PET100: variants seen among roughly 807,000 people sequenced by gnomAD.
PET100 encodes PET100 cytochrome c oxidase chaperone.
In PET100, 13 loss-of-function variants were observed where a neutral mutation model predicts 13.6. The observed-to-expected ratio is 0.96, with a 90% CI of 0.62 to 1.52. PET100 has a LOEUF of 1.52. Among genes scored for constraint, PET100 ranks in the 40% most tolerant of loss-of-function variants. The pLI is 0.00. For synonymous variants in PET100, 28 were observed against 30.8 expected, an observed-to-expected ratio of 0.91 and a Z score of 0.30; for missense variants, 94 against 95.3, an observed-to-expected ratio of 0.99 and a Z score of 0.06.
intron 3 of PET100, 166 bp from the exon 4 acceptor site, chr19:7,631,307 C>T: frequency 7.1e-7 from 1 of 1,411,158 alleles, no homozygotes; most frequent in Non-Finnish European, 9.2e-7. Flanking sequence ...AAGCGGATCC[C>T]ACGCGGACCC....
In PET100 at chr19:7,631,555, G is replaced by A. The variant is rs1361360018; in HGVS notation, c.221G>A (p.Ter74=). ...KLLRDAQQNS[*] Reference sequence around the variant, plus strand: ...CTTCGCGACGCCCAGCAGAACTCCTGAGGCCTCCAAGTGGGAGTCCTAGCC... The same window carrying A: ...CTTCGCGACGCCCAGCAGAACTCCTAAGGCCTCCAAGTGGGAGTCCTAGCC... Residue 74 remains the stop codon, a stop_retained_variant, in exon 4 of 4, where the codon TGA becomes TAA. Coordinates refer to ENST00000594797, the MANE Select transcript of PET100 (RefSeq NM_001171155.2). 2.3e-5 allele frequency: 36 copies of A among 1,535,754 alleles called. No individual in the cohort carries two copies. In the Admixed American group the frequency reaches 6.9e-4, roughly 29 times the overall value.
chr19:7,631,092 C>T lies in PET100; in HGVS notation c.138+246C>T. ...GCATGGTGGCAGGCGCCTATAATTC[C>T]AGCTGCTTGGGAGGCTGAGGGAGAA... On this transcript the variant is annotated intron_variant, in intron 3 of 3. Coordinates refer to ENST00000594797, the MANE Select transcript of PET100 (RefSeq NM_001171155.2). 5 of 743,882 alleles carry T rather than the reference C, an allele frequency of 6.7e-6. No individual in the cohort carries two copies. In the South Asian group the frequency reaches 9.5e-5, roughly 14 times the overall value. The allele number at this position is 743,882 out of a possible 1,614,324, so 46.1% of individuals were successfully genotyped here. A position where few individuals can be genotyped will look rare whatever the true frequency, so the allele number is the denominator to read the frequency against.
chr19:7,630,818 T>A lies in PET100; in HGVS notation c.115-5T>A, dbSNP rs758300746. Reference sequence around the variant, plus strand: ...TCGTGTCCCATTTGTGACTTTTCCTTACAGAGGGAGCTGTGGCCACCTGAG... The same window carrying A: ...TCGTGTCCCATTTGTGACTTTTCCTAACAGAGGGAGCTGTGGCCACCTGAG... On this transcript the variant is annotated splice_polypyrimidine_tract_variant and splice_region_variant and intron_variant, in intron 2 of 3. Transcript: ENST00000594797. 2.0e-6 allele frequency: 3 copies of A among 1,537,226 alleles called. No individual in the cohort carries two copies. The South Asian group carries it at 3.6e-5, about 18-fold the overall frequency.
At chr19:7,629,901 A>C (rs910646054) in intron 1 of PET100, 41 bp downstream of exon 1, 1 of 1,489,834 alleles carries the variant, frequency 6.7e-7, no homozygotes, top group Non-Finnish European at 8.9e-7. Context: ...TGGGCAGGGG[A>C]TCTTCCTGGA....
Position 7,629,810 on chromosome 19 carries a change from G to GC in PET100, c.-23dup, listed in dbSNP as rs752506276. On this transcript the variant is annotated 5_prime_UTR_variant, in exon 1 of 4. Transcript: ENST00000594797. ...GGAGGGTCGGCTTTGGGCGGAACTG[G>GC]CTTTGTTGACCGGGAGAAACGAGAT... The GC allele has an allele frequency of 1.2e-5, 18 of 1,536,830 alleles. No individual in the cohort carries two copies. The highest frequency in any genetic ancestry group is 1.5e-5 in the Non-Finnish European group (17 of 1,146,816).
intron 2 of PET100, 49 bp from the exon 3 acceptor site, chr19:7,630,774 G>C (rs1389715509): frequency 6.5e-7 from 1 of 1,537,058 alleles, no homozygotes; most frequent in Non-Finnish European, 8.7e-7. Flanking sequence ...CCTGATGTGG[G>C]GCTCTGGAGG....
At position 7,629,846 on chromosome 19, in the gene PET100, C is replaced by G. The variant is rs923244976; in HGVS notation, c.13C>G (p.Leu5Val). The G allele has an allele frequency of 2.0e-6, 3 of 1,535,512 alleles. No homozygotes were observed. Among genetic ancestry groups the G allele is most frequent in the African/African-American group, 1.4e-5 (1 of 73,008 alleles). Residue 5 changes from leucine to valine, a missense_variant, in exon 1 of 4, where the codon CTG becomes GTG. Leu to Val is a conservative substitution (Grantham distance 32). Coordinates refer to ENST00000594797, the MANE Select transcript of PET100 (RefSeq NM_001171155.2). MGVKLEIFRMIIYLT... is the reference protein window; with the variant it reads MGVKVEIFRMIIYLT... ...CGGGAGAAACGAGATGGGGGTGAAG[C>G]TGGAGATATTTCGGGTCAGTGGACA...
chr19:7,631,400 G>T (rs899029976), intron 3 of PET100, 73 bp from the exon 4 acceptor site: 15 of 883,526 alleles, frequency 1.7e-5, no homozygotes, highest in East Asian at 3.6e-5. Context: ...AGAGGTGGGC[G>T]GGGGGGGGTG....
chr19:7,630,175 G>T (rs190930327), intron 1 of PET100: 171 of 468,446 alleles, frequency 3.7e-4, no homozygotes, highest in African/African-American at 3.2e-3. Flanking sequence ...GCTCGTGGTG[G>T]GTGGGTGTCT....
chr19:7,631,700 G>A lies in PET100; in HGVS notation c.*144G>A. On this transcript the variant is annotated 3_prime_UTR_variant, in exon 4 of 4. Transcript: ENST00000594797. ...GATGCCTCAGGCCCTCAGGGGGCTT[G>A]TGTCGGGGGCTGGGGGCTGCTGTTC... 6.9e-7 allele frequency: 1 copy of A among 1,455,426 alleles called. No individual in the cohort carries two copies. The highest frequency in any genetic ancestry group is 9.1e-7 in the Non-Finnish European group (1 of 1,102,890). The allele number at this position is 1,455,426 out of a possible 1,614,324, so 90.2% of individuals were successfully genotyped here. A position where few individuals can be genotyped will look rare whatever the true frequency, so the allele number is the denominator to read the frequency against.
rs2031234317 is a variant in PET100 at position 7,629,867 on chromosome 19, G to T, written c.27+7G>T. 2.6e-6 allele frequency: 4 copies of T among 1,532,428 alleles called. No individual in the cohort carries two copies. Among genetic ancestry groups the T allele is most frequent in the Non-Finnish European group, 3.5e-6 (4 of 1,144,486 alleles). The allele number at this position is 1,532,428 out of a possible 1,614,324, so 94.9% of individuals were successfully genotyped here. A position where few individuals can be genotyped will look rare whatever the true frequency, so the allele number is the denominator to read the frequency against. On this transcript the variant is annotated splice_region_variant and intron_variant, in intron 1 of 3. Transcript: ENST00000594797. ...GAAGCTGGAGATATTTCGGGTCAGT[G>T]GACACAGGAGTGGGTTGGGAGGCTG...
chr19:7,631,924 T>C lies in PET100; in HGVS notation c.*368T>C. Reference sequence around the variant, plus strand: ...CCGTGTCCCACCTCATTGTGAGCACTGGTCTATGTTTACCCTCAATATCTG... The same window carrying C: ...CCGTGTCCCACCTCATTGTGAGCACCGGTCTATGTTTACCCTCAATATCTG... On this transcript the variant is annotated 3_prime_UTR_variant, in exon 4 of 4. Transcript: ENST00000594797. The C allele has an allele frequency of 9.3e-7, 1 of 1,072,702 alleles. No homozygotes were observed. The highest frequency in any genetic ancestry group is 1.6e-5 in the African/African-American group (1 of 61,608). 66.4% of individuals were successfully genotyped at this position (1,072,702 alleles called of 1,614,324 possible). A position where few individuals can be genotyped will look rare whatever the true frequency, so the allele number is the denominator to read the frequency against.
chr19:7,630,052 C>T (rs2031239882), intron 1 of PET100, 192 bp downstream of exon 1: 1 of 647,536 alleles, frequency 1.5e-6, no homozygotes, highest in South Asian at 2.6e-5. Context: ...CGGATTTGGG[C>T]TTCTGGGTTT....
chr19:7,631,637 A>G lies in PET100; in HGVS notation c.*81A>G. On this transcript the variant is annotated 3_prime_UTR_variant, in exon 4 of 4. Transcript: ENST00000594797. ...TCCTTGTTATTCATTTAAGTGTTTT[A>G]TTCTTTTATCAGTTTTTGGGGGCCG... 6.9e-7 allele frequency: 1 copy of G among 1,453,604 alleles called. No homozygotes were observed. Among genetic ancestry groups the G allele is most frequent in the African/African-American group, 1.4e-5 (1 of 69,544 alleles). The allele number at this position is 1,453,604 out of a possible 1,614,324, so 90.0% of individuals were successfully genotyped here. A position where few individuals can be genotyped will look rare whatever the true frequency, so the allele number is the denominator to read the frequency against.
Position 7,631,513 on chromosome 19 carries a change from G to A in PET100, c.179G>A (p.Arg60Gln), listed in dbSNP as rs779243533. 3.9e-6 allele frequency: 6 copies of A among 1,536,220 alleles called. No homozygotes were observed. Among genetic ancestry groups the A allele is most frequent in the Admixed American group, 3.9e-5 (2 of 50,976 alleles). ...GAATTCAAAGAGAGGTTACGGAAGC[G>A]GCGGGAGGAGAAGCTCCTTCGCGAC... is the stretch of plus-strand genomic sequence containing the variant. ...IEEFKERLRKRREEKLLRDAQ... is the reference protein window; with the variant it reads ...IEEFKERLRKQREEKLLRDAQ... The change falls in exon 4 of 4, where the codon CGG (arginine) becomes CAG (glutamine). Residue 60 changes from arginine to glutamine, a missense_variant. Physicochemically the swap from Arg to Gln is conservative, Grantham distance 43. Coordinates refer to ENST00000594797, the MANE Select transcript of PET100 (RefSeq NM_001171155.2).
Position 7,631,695 on chromosome 19 carries a change from G to A in PET100, c.*139G>A. Reference sequence around the variant, plus strand: ...CCCAGGATGCCTCAGGCCCTCAGGGGGCTTGTGTCGGGGGCTGGGGGCTGC... The same window carrying A: ...CCCAGGATGCCTCAGGCCCTCAGGGAGCTTGTGTCGGGGGCTGGGGGCTGC... On this transcript the variant is annotated 3_prime_UTR_variant, in exon 4 of 4. Coordinates refer to ENST00000594797, the MANE Select transcript of PET100 (RefSeq NM_001171155.2). 1 of 1,455,198 alleles carries A rather than the reference G, an allele frequency of 6.9e-7. No individual in the cohort carries two copies. The highest frequency in any genetic ancestry group is 9.1e-7 in the Non-Finnish European group (1 of 1,103,016). The allele number at this position is 1,455,198 out of a possible 1,614,324, so 90.1% of individuals were successfully genotyped here. A position where few individuals can be genotyped will look rare whatever the true frequency, so the allele number is the denominator to read the frequency against.
Position 7,630,464 on chromosome 19 carries a change from C to T in PET100, c.28-109C>T, listed in dbSNP as rs1335006066. The T allele has an allele frequency of 3.5e-6, 3 of 854,932 alleles. No individual in the cohort carries two copies. The East Asian group carries it at 8.0e-5, about 23-fold the overall frequency. 53.0% of individuals were successfully genotyped at this position (854,932 alleles called of 1,614,324 possible). ...GGAGTTCTGGGATTCTTGGGTCGGC[C>T]GTAACGAGGCGCTTCTGGACTCTGC... On this transcript the variant is annotated intron_variant, in intron 1 of 3. Transcript: ENST00000594797.
At chr19:7,630,784 G>C in intron 2 of PET100, 39 bp from the exon 3 acceptor site, 1 of 1,537,250 alleles carries the variant, frequency 6.5e-7, no homozygotes, top group Non-Finnish European at 8.7e-7. Context: ...GGCTCTGGAG[G>C]CCTTTGGCTC....
chr19:7,631,379 AGGGTGGTGGGAGAGGTGGGCGGGGGG>A, intron 3 of PET100, 68 bp from the exon 4 acceptor site: 5 of 534,854 alleles, frequency 9.3e-6, no homozygotes, highest in Non-Finnish European at 1.1e-5. Flanking sequence ...GGTCTGGGGC[AGGGTGGTGGGAGAGGTGGGCGGGGGG>A]GGGTGGTCCC....
Sources: gnomAD v4.1 joint callset for allele counts on GRCh38, gnomAD v4.1.1 for gene constraint, MANE v1.5 for transcripts, NCBI Gene and HGNC (gene_info 2026-07-23, HGNC 2026-07-21) for gene names.